GALNT5: variants seen among roughly 807,000 people sequenced by gnomAD.
The protein encoded by GALNT5 is polypeptide N-acetylgalactosaminyltransferase 5, also known as UDP-GalNAc:polypeptide N-acetylgalactosaminyltransferase 5.
A neutral mutation model predicts 85.4 loss-of-function variants in GALNT5; 72 were observed. The observed-to-expected ratio is 0.84, with a 90% CI of 0.70 to 1.03. GALNT5 has a LOEUF of 1.03. Ranked by LOEUF, GALNT5 falls within the 50% of genes least tolerant of loss-of-function variation. GALNT5 has a pLI of 0.00. For missense variants in GALNT5, 1,137 were observed against 1,135.5 expected (o/e 1.00, Z -0.02); for synonymous variants, 404 against 397.0 (o/e 1.02, Z -0.21).
intron 1 of GALNT5, among the ~76,000 whole-genome samples, chr2:157,260,739 T>G (rs1186566727): frequency 3.3e-5 from 5 of 152,214 alleles, no homozygotes; most frequent in Non-Finnish European, 7.3e-5. Context: ...AGGAGAAGCT[T>G]TATCCACATT....
At chr2:157,284,615 G>A (rs1682932121) in intron 2 of GALNT5, among the ~76,000 whole-genome samples, 167 bp downstream of exon 2, 1 of 152,176 alleles carries the variant, frequency 6.6e-6, no homozygotes, top group African/African-American at 2.4e-5. Flanking sequence ...AGCATCTATG[G>A]ACGTTAAAAG....
chr2:157,298,607 C>T (rs1399006842), intron 5 of GALNT5, among the ~76,000 whole-genome samples: 1 of 152,250 alleles, frequency 6.6e-6, no homozygotes, highest in East Asian at 1.9e-4. Flanking sequence ...CTCCGGCCCA[C>T]TCCCACCCTG....
In GALNT5 at chr2:157,305,848, T is replaced by C. The variant is rs1485126864; in HGVS notation, c.2520+19T>C. 7.2e-7 allele frequency: 1 copy of C among 1,386,228 alleles called. No individual in the cohort carries two copies. The highest frequency in any genetic ancestry group is 1.7e-5 in the Admixed American group (1 of 59,488). The allele number at this position is 1,386,228 out of a possible 1,614,324, so 85.9% of individuals were successfully genotyped here. A position where few individuals can be genotyped will look rare whatever the true frequency, so the allele number is the denominator to read the frequency against. ...CAAAGAGGTATGCTAAACTGTTTTC[T>C]ATCTCATGGTAGCTGATAGGTGCAG... On this transcript the variant is annotated intron_variant, in intron 8 of 9. Transcript: ENST00000259056.
chr2:157,303,619 GAGATGATGTCT>G lies in GALNT5; in HGVS notation c.2440-2128_2440-2118del, dbSNP rs371069299. The stretch of plus-strand genomic sequence containing the variant: ...AGAATAACAATTCCAAAACACTTCA[GAGATGATGTCT>G]ATATGAAGAAAAGTATTAGGTTGGT... On this transcript the variant is annotated intron_variant, in intron 7 of 9. Transcript: ENST00000259056. Among the ~76,000 whole-genome samples the G allele has an allele frequency of 6.4e-3, 976 of 152,180 alleles. 7 individuals are homozygous for G. Among genetic ancestry groups the G allele is most frequent in the African/African-American group, 0.022 (933 of 41,516 alleles).
At chr2:157,277,425 A>T (rs1055679815) in intron 1 of GALNT5, among the ~76,000 whole-genome samples, 8 of 152,112 alleles carry the variant, frequency 5.3e-5, no homozygotes, top group African/African-American at 1.7e-4. Context: ...TGGGGCATTA[A>T]AGTCTCCCAT....
rs551859714 is a variant in GALNT5 at position 157,318,338 on chromosome 2, G to A, written c.*6990G>A. 6.6e-6 allele frequency among the ~76,000 whole-genome samples: 1 copy of A among 152,188 alleles called. No individual in the cohort carries two copies. Among genetic ancestry groups the A allele is most frequent in the East Asian group, 1.9e-4 (1 of 5,190 alleles). On this transcript the variant is annotated 3_prime_UTR_variant, in exon 10 of 10. Coordinates refer to ENST00000259056, the MANE Select transcript of GALNT5 (RefSeq NM_014568.3). ...ACAGAGATTTCTTCAAGTTGTTCGT[G>A]TTAAGATGCATCTTAAACATGATCT...
At chr2:157,269,194 C>T (rs1682526847) in intron 1 of GALNT5, among the ~76,000 whole-genome samples, 1 of 152,166 alleles carries the variant, frequency 6.6e-6, no homozygotes, top group African/African-American at 2.4e-5. Context: ...ATGCTGAAAG[C>T]TTTGCGGGGG....
At chr2:157,295,573 C>A in intron 3 of GALNT5, 90 bp from the exon 4 acceptor site, 1 of 965,252 alleles carries the variant, frequency 1.0e-6, no homozygotes. Context: ...AGCCACATTT[C>A]TGGAGCAATC....
intron 1 of GALNT5, among the ~76,000 whole-genome samples, chr2:157,266,002 T>C (rs549644105): frequency 7.9e-5 from 12 of 152,312 alleles, no homozygotes; most frequent in Non-Finnish European, 1.8e-4. Context: ...TTCCTCAAGG[T>C]AGATACTATC....
rs1683687010 is a variant in GALNT5 at position 157,315,716 on chromosome 2, T to A, written c.*4368T>A. Among the ~76,000 whole-genome samples the A allele has an allele frequency of 6.6e-6, 1 of 152,186 alleles. No individual in the cohort carries two copies. The highest frequency in any genetic ancestry group is 1.5e-5 in the Non-Finnish European group (1 of 68,036). On this transcript the variant is annotated 3_prime_UTR_variant, in exon 10 of 10. Transcript: ENST00000259056. ...CTGGACCAAATGTGAAAGAAAGAAG[T>A]GGACATGTGGAGGATTCTTTCTCTG...
rs1683488135 is a variant in GALNT5, at chr2:157,307,922, T to C, written c.2521-645T>C. Reference sequence around the variant, plus strand: ...AACATGGTTTCATTACCTGAATTGGTACTTATTTTAGACACTGGCAATTTC... The same window carrying C: ...AACATGGTTTCATTACCTGAATTGGCACTTATTTTAGACACTGGCAATTTC... On this transcript the variant is annotated intron_variant, in intron 8 of 9. Coordinates refer to ENST00000259056, the MANE Select transcript of GALNT5 (RefSeq NM_014568.3). 1.3e-5 allele frequency among the ~76,000 whole-genome samples: 2 copies of C among 152,178 alleles called. 1 individual carries two copies. Among genetic ancestry groups the C allele is most frequent in the Non-Finnish European group, 2.9e-5 (2 of 68,028 alleles).
chr2:157,308,986 A>C (rs1333463642), intron 9 of GALNT5, among the ~76,000 whole-genome samples: 2 of 151,988 alleles, frequency 1.3e-5, no homozygotes, highest in African/African-American at 2.4e-5. Flanking sequence ...CATTGCTATC[A>C]TTTGCTTCAG....
chr2:157,292,200 G>T (rs545585034), intron 3 of GALNT5, among the ~76,000 whole-genome samples: 2 of 152,176 alleles, frequency 1.3e-5, no homozygotes, highest in Non-Finnish European at 2.9e-5. Context: ...GAAGGCTGTT[G>T]TATGTAACTT....
At chr2:157,286,705 G>A (rs1250445371) in intron 3 of GALNT5, among the ~76,000 whole-genome samples, 1 of 151,932 alleles carries the variant, frequency 6.6e-6, no homozygotes, top group Admixed American at 6.6e-5. Context: ...GGGTTTCACT[G>A]TGTTAGCCAG....
intron 1 of GALNT5, among the ~76,000 whole-genome samples, chr2:157,265,364 AGAG>A (rs1410059489): frequency 1.3e-5 from 2 of 152,228 alleles, no homozygotes; most frequent in Non-Finnish European, 2.9e-5. Context: ...AACAAAGATT[AGAG>A]GAGAAGAATG....
intron 7 of GALNT5, chr2:157,302,229 C>G (rs1683359093): frequency 6.6e-6 from 1 of 152,146 alleles, no homozygotes; most frequent in Admixed American, 6.5e-5. Flanking sequence ...GTGGATTATA[C>G]CATGCTTTCT....
intron 5 of GALNT5, among the ~76,000 whole-genome samples, chr2:157,297,456 A>G (rs751285638): frequency 2.0e-5 from 3 of 152,232 alleles, no homozygotes; most frequent in Non-Finnish European, 2.9e-5. Flanking sequence ...TAATTTTCCC[A>G]GGAATACGCA....
chr2:157,300,658 A>T lies in GALNT5; in HGVS notation c.2116-18A>T, dbSNP rs769199111. 5.7e-6 allele frequency: 9 copies of T among 1,580,692 alleles called. No homozygotes were observed. The East Asian group carries it at 2.0e-4, about 35-fold the overall frequency. On this transcript the variant is annotated intron_variant, in intron 6 of 9. Coordinates refer to ENST00000259056, the MANE Select transcript of GALNT5 (RefSeq NM_014568.3). ...GATAATCATTTGATAATTGATGCTTATCATCAAATTCTTCCAGGTGTGGAT... is the reference window on the plus strand; with the variant it reads ...GATAATCATTTGATAATTGATGCTTTTCATCAAATTCTTCCAGGTGTGGAT...
Position 157,258,217 on chromosome 2 carries a change from C to T in GALNT5, c.135C>T (p.Ile45=). ...TCAGTGAGATCAACACTCGGGTCAT[C>T]AAGGAAGACATTGTGAGGAGGGAGC... ...LSFSEINTRV[I]KEDIVRRERI... is the part of the protein sequence containing the mutation. The change falls in exon 1 of 10, where the codon ATC becomes ATT. Residue 45 remains isoleucine, a synonymous_variant. Coordinates refer to ENST00000259056, the MANE Select transcript of GALNT5 (RefSeq NM_014568.3). The T allele has an allele frequency of 6.2e-7, 1 of 1,613,722 alleles. No homozygotes were observed.
Sources: allele counts gnomAD v4.1 joint callset (sites outside exome capture counted in the v4.1 genomes callset), GRCh38; gene constraint gnomAD v4.1.1; transcripts MANE v1.5; gene names NCBI Gene and HGNC (gene_info 2026-07-23, HGNC 2026-07-21).